Variants in SHC4 observed in about 807,000 individuals in gnomAD.
SHC4 encodes the protein SHC adaptor protein 4.
SHC4 carries 41 observed loss-of-function variants against 69.4 expected under a neutral mutation model. The ratio of observed to expected loss-of-function variants is 0.59; its 90% CI spans 0.46 to 0.77. The LOEUF is 0.77. SHC4 is among the 30% of genes least tolerant of loss of function. The probability of loss-of-function intolerance (pLI) is 0.00; values close to 1 mark genes in which losing one functional copy is unlikely to be tolerated. For synonymous variants in SHC4, 318 were observed against 299.3 expected (o/e 1.06, Z -0.64); for missense variants, 777 against 783.8 (o/e 0.99, Z 0.10).
chr15:48,882,281 C>T (rs1899960716), intron 4 of SHC4, among the ~76,000 whole-genome samples: 1 of 152,060 alleles, frequency 6.6e-6, no homozygotes, highest in South Asian at 2.1e-4. Context: ...TGCAGGAAAG[C>T]TCAAAATAGT....
At chr15:48,878,055 G>A in intron 4 of SHC4, 2 of 1,308,274 alleles carry the variant, frequency 1.5e-6, no homozygotes, top group East Asian at 4.7e-5. Flanking sequence ...GGCGGTACCT[G>A]AGGACCACGC....
At chr15:48,865,228 G>T (rs1311752925) in intron 6 of SHC4, among the ~76,000 whole-genome samples, 1 of 152,108 alleles carries the variant, frequency 6.6e-6, no homozygotes, top group Non-Finnish European at 1.5e-5. Flanking sequence ...TCACCTCTTT[G>T]CGGGCACTGT....
intron 2 of SHC4, among the ~76,000 whole-genome samples, chr15:48,908,629 C>T (rs1900453024): frequency 6.6e-6 from 1 of 152,126 alleles, no homozygotes; most frequent in Non-Finnish European, 1.5e-5. Flanking sequence ...CTTGCCTAAG[C>T]CAAAGTTTAG....
chr15:48,862,193 G>T (rs1001982006), intron 6 of SHC4, among the ~76,000 whole-genome samples: 2 of 146,968 alleles, frequency 1.4e-5, no homozygotes, highest in Non-Finnish European at 3.0e-5. Context: ...TACTGGTTTT[G>T]GGGTTTTTTT....
At chr15:48,950,914 C>G (rs1901355424) in intron 1 of SHC4, among the ~76,000 whole-genome samples, 1 of 152,132 alleles carries the variant, frequency 6.6e-6, no homozygotes, top group Non-Finnish European at 1.5e-5. Context: ...TCCTTGAACA[C>G]TCCACGGATT....
chr15:48,931,660 A>G (rs866737524), intron 1 of SHC4, among the ~76,000 whole-genome samples: 1 of 151,992 alleles, frequency 6.6e-6, no homozygotes, highest in South Asian at 2.1e-4. Context: ...CTTTCTCTCA[A>G]TTGCAATACT....
At chr15:48,843,377 G>T (rs754658361) in intron 10 of SHC4, 32 bp downstream of exon 10, 1 of 1,560,962 alleles carries the variant, frequency 6.4e-7, no homozygotes, top group South Asian at 1.2e-5. Flanking sequence ...ACAGCCCTAA[G>T]AAATGAATAC....
intron 6 of SHC4, among the ~76,000 whole-genome samples, chr15:48,861,131 T>C (rs778659376): frequency 2.0e-5 from 3 of 152,256 alleles, no homozygotes; most frequent in Non-Finnish European, 2.9e-5. Flanking sequence ...ACTACCATAT[T>C]ACTTTATTTA....
chr15:48,930,426 A>G (rs904369915), intron 1 of SHC4, among the ~76,000 whole-genome samples: 11 of 152,168 alleles, frequency 7.2e-5, no homozygotes, highest in African/African-American at 2.7e-4. Context: ...GGCTAGGAGT[A>G]TGGGAGAATA....
intron 2 of SHC4, among the ~76,000 whole-genome samples, chr15:48,913,687 C>G (rs1488070760): frequency 6.6e-6 from 1 of 152,132 alleles, no homozygotes; most frequent in Non-Finnish European, 1.5e-5. Flanking sequence ...GAGTTTTAAC[C>G]CCTGCTCCTC....
chr15:48,881,018 GTGTGTCT>G (rs951965646), intron 4 of SHC4, among the ~76,000 whole-genome samples: 1 of 145,340 alleles, frequency 6.9e-6, no homozygotes, highest in African/African-American at 2.5e-5. Context: ...GTGTGTGTGT[GTGTGTCT>G]TCATTTAAGG....
rs371712499 is a variant in SHC4 at position 48,892,647 on chromosome 15, A to G, written c.657-1836T>C. 3.3e-5 allele frequency among the ~76,000 whole-genome samples: 5 copies of G among 152,262 alleles called. No individual in the cohort carries two copies. The East Asian group carries it at 7.8e-4, about 24-fold the overall frequency. Reference sequence around the variant, plus strand: ...TGACAGTATTTAATAAAGAGGTATTATAAGATAGGGCAGATCCTTTAATCC... The same window carrying G: ...TGACAGTATTTAATAAAGAGGTATTGTAAGATAGGGCAGATCCTTTAATCC... On this transcript the variant is annotated intron_variant, in intron 2 of 11. Transcript: ENST00000332408.
intron 2 of SHC4, among the ~76,000 whole-genome samples, chr15:48,910,192 T>A (rs28789529): frequency 6.6e-6 from 1 of 151,790 alleles, no homozygotes; most frequent in Non-Finnish European, 1.5e-5. Context: ...TCCTGGAGGT[T>A]TTTTTTTGTT....
chr15:48,830,135 CCTTT>C (rs1480407092), intron 11 of SHC4, among the ~76,000 whole-genome samples: 2 of 151,964 alleles, frequency 1.3e-5, no homozygotes, highest in Non-Finnish European at 2.9e-5. Context: ...TTGCTGTCTT[CCTTT>C]GTGTTTCATT....
intron 4 of SHC4, 96 bp downstream of exon 4, chr15:48,884,152 A>G (rs1437366567): frequency 1.5e-6 from 2 of 1,330,630 alleles, no homozygotes; most frequent in Non-Finnish European, 2.0e-6. Flanking sequence ...ATTAGGTTGT[A>G]GGCATACTCT....
chr15:48,848,671 T>A (rs1254681309), intron 9 of SHC4, among the ~76,000 whole-genome samples: 1 of 152,162 alleles, frequency 6.6e-6, no homozygotes, highest in African/African-American at 2.4e-5. Context: ...TAAATAAGAA[T>A]AAGGGATTAT....
chr15:48,959,632 C>G (rs944032162), intron 1 of SHC4, among the ~76,000 whole-genome samples: 1 of 152,174 alleles, frequency 6.6e-6, no homozygotes, highest in Non-Finnish European at 1.5e-5. Context: ...TCTCTCAGTT[C>G]TCTCCTATGA....
chr15:48,933,999 A>C lies in SHC4; in HGVS notation c.586-9050T>G, dbSNP rs570807433. The stretch of plus-strand genomic sequence containing the variant: ...GTAAAACTCCTTAAAGAAAACAGTC[A>C]TAATCACAGGACCTCAGAATAGGCA... On this transcript the variant is annotated intron_variant, in intron 1 of 11. Transcript: ENST00000332408. Among the ~76,000 whole-genome samples, 30 of 152,320 alleles carry C rather than the reference A, an allele frequency of 2.0e-4. No individual in the cohort carries two copies. In the South Asian group the frequency reaches 4.1e-3, roughly 21 times the overall value.
At chr15:48,897,508 C>CCACACACACACACACACA (rs57034071) in intron 2 of SHC4, among the ~76,000 whole-genome samples, 1 of 142,936 alleles carries the variant, frequency 7.0e-6, no homozygotes, top group African/African-American at 2.6e-5. Context: ...AGCAATGTCG[C>CCACACACACACACACACA]CACACACACA....
Sources: allele counts gnomAD v4.1 joint callset (sites outside exome capture counted in the v4.1 genomes callset), GRCh38; gene constraint gnomAD v4.1.1; transcripts MANE v1.5; gene names NCBI Gene and HGNC (gene_info 2026-07-23, HGNC 2026-07-21).